The following ZNF266 variants were observed in gnomAD, a reference collection of about 807,000 sequenced individuals.
ZNF266 encodes zinc finger protein 266, also known as zinc finger protein 1.
Under a neutral mutation model 16.4 loss-of-function variants are expected in ZNF266, and 16 were observed. The ratio of observed to expected loss-of-function variants is 0.98; its 90% confidence interval spans 0.66 to 1.48. The LOEUF (loss-of-function observed/expected upper bound fraction) is 1.48. Among genes scored for constraint, ZNF266 ranks in the 40% most tolerant of loss-of-function variants. The pLI is 0.00. For missense variants in ZNF266, 738 were observed against 689.1 expected, an observed-to-expected ratio of 1.07 and a Z score of -0.79; for synonymous variants, 262 against 237.9, an observed-to-expected ratio of 1.10 and a Z score of -0.93.
rs1191515035 is a variant in ZNF266, at chr19:9,428,297, G to A, written c.-130+5371C>T. Among the ~76,000 whole-genome samples the A allele has an allele frequency of 2.6e-5, 4 of 152,300 alleles. No individual in the cohort carries two copies. In the South Asian group the frequency reaches 6.2e-4, roughly 24 times the overall value. ...GGCCACTGAGGCCTCCTTAGGCCAC[G>A]ATGAAGCCAATCTCAGGCCCTTGGG... On this transcript the variant is annotated intron_variant, in intron 5 of 10. Transcript: ENST00000592904.
intron 10 of ZNF266, among the ~76,000 whole-genome samples, chr19:9,415,409 C>G (rs2068833370): frequency 6.6e-6 from 1 of 152,164 alleles, no homozygotes; most frequent in African/African-American, 2.4e-5. Context: ...TCTCAAAGAG[C>G]TCTCATTCTG....
chr19:9,416,565 T>C (rs769192767), intron 9 of ZNF266, among the ~76,000 whole-genome samples: 9 of 150,552 alleles, frequency 6.0e-5, no homozygotes, highest in African/African-American at 2.2e-4. Flanking sequence ...GGTTTCAGCA[T>C]GTTGGCCATG....
chr19:9,422,984 G>A (rs575906100), intron 5 of ZNF266, among the ~76,000 whole-genome samples: 1 of 152,324 alleles, frequency 6.6e-6, no homozygotes, highest in South Asian at 2.1e-4. Context: ...TGTGTCCCAC[G>A]TGAATGCCTG....
intron 5 of ZNF266, among the ~76,000 whole-genome samples, chr19:9,431,120 G>A (rs1030727042): frequency 6.6e-6 from 1 of 152,174 alleles, no homozygotes; most frequent in Non-Finnish European, 1.5e-5. Flanking sequence ...CCTAATTAGA[G>A]GAACATACTA....
chr19:9,415,158 G>GGTGGCACGTGCCTGTACT (rs1469778293), intron 10 of ZNF266, among the ~76,000 whole-genome samples: 1 of 152,202 alleles, frequency 6.6e-6, no homozygotes, highest in African/African-American at 2.4e-5. Flanking sequence ...AGCCGGGCAT[G>GGTGGCACGTGCCTGTACT]GTGGCACGTG....
chr19:9,417,711 G>A (rs766620678), intron 9 of ZNF266, 117 bp downstream of exon 9: 237 of 781,390 alleles, frequency 3.0e-4, no homozygotes, highest in Non-Finnish European at 4.5e-4. Context: ...CTGTGCCACG[G>A]CACTCCAGCC....
intron 5 of ZNF266, among the ~76,000 whole-genome samples, chr19:9,425,215 T>C (rs1333838106): frequency 6.6e-6 from 1 of 152,136 alleles, no homozygotes; most frequent in Non-Finnish European, 1.5e-5. Flanking sequence ...AGGGATAACG[T>C]CCATGCACCT....
rs549826648 is a variant in ZNF266 at position 9,413,604 on chromosome 19, A to C, written c.1522T>G (p.Cys508Gly). Reference protein sequence around the residue: ...TGEKPFECLECGKAFTHSSSL... With the variant: ...TGEKPFECLEGGKAFTHSSSL... ...GAGGAATGCGTAAATGCTTTACCAC[A>C]TTCCAGGCACTCAAAGGGCTTCTCT... Residue 508 changes from cysteine to glycine, a missense_variant, in exon 11 of 11, where the codon TGT becomes GGT. Transcript: ENST00000592904. 2.5e-6 allele frequency: 4 copies of C among 1,614,214 alleles called. No individual in the cohort carries two copies. The highest frequency in any genetic ancestry group is 1.7e-5 in the Admixed American group (1 of 60,024).
At chr19:9,421,476 T>C (rs1051268973) in intron 5 of ZNF266, among the ~76,000 whole-genome samples, 5 of 152,196 alleles carry the variant, frequency 3.3e-5, no homozygotes, top group African/African-American at 7.2e-5. Flanking sequence ...TCGCATACAC[T>C]TGCATAATCA....
At chr19:9,431,112 T>C (rs999198991) in intron 5 of ZNF266, among the ~76,000 whole-genome samples, 1 of 152,198 alleles carries the variant, frequency 6.6e-6, no homozygotes, top group African/African-American at 2.4e-5. Context: ...CCTCAGGACC[T>C]AATTAGAGGA....
chr19:9,417,841 T>C lies in ZNF266; in HGVS notation c.303A>G (p.Arg101=), dbSNP rs199682116. 1.2e-6 allele frequency: 2 copies of C among 1,613,802 alleles called. No individual in the cohort carries two copies. The change falls in exon 9 of 11, where the codon AGA becomes AGG. Residue 101 remains arginine, a synonymous_variant. Transcript: ENST00000592904. The stretch of plus-strand genomic sequence containing the variant: ...GTGAACACTCACCTTGGAAATCACC[T>C]CTCTGCACTGTCCTAGACTCTTCTT... ...LEQEESRTVQ[R]GDFQASEWKV...
chr19:9,432,634 A>G (rs1193062191), intron 5 of ZNF266, among the ~76,000 whole-genome samples: 1 of 152,236 alleles, frequency 6.6e-6, no homozygotes, highest in Non-Finnish European at 1.5e-5. Context: ...TCACAAAAAC[A>G]TCACTAAACT....
chr19:9,423,637 T>G (rs1417569925), intron 5 of ZNF266, among the ~76,000 whole-genome samples: 1 of 152,154 alleles, frequency 6.6e-6, no homozygotes, highest in East Asian at 1.9e-4. Context: ...GGTCAAGGTG[T>G]ACGCTTTGAG....
intron 5 of ZNF266, among the ~76,000 whole-genome samples, chr19:9,432,483 T>A (rs1301519814): frequency 6.6e-6 from 1 of 152,010 alleles, no homozygotes; most frequent in Non-Finnish European, 1.5e-5. Context: ...ACAGAGAAAA[T>A]GTATAGAATT....
rs1367487220 is a variant in ZNF266 at position 9,413,927 on chromosome 19, A to C, written c.1199T>G (p.Phe400Cys). 1 of 1,614,122 alleles carries C rather than the reference A, an allele frequency of 6.2e-7. No individual in the cohort carries two copies. ...ATCACTGAGGCATGAGGAATTTCTA[A>C]AGGATTTTCCACATATCTTACATTC... ...PFECKICGKS[F>C]RNSSCLSDHF... The change falls in exon 11 of 11, where the codon TTT (phenylalanine) becomes TGT (cysteine). Residue 400 changes from phenylalanine to cysteine, a missense_variant. By Grantham distance (205) the Phe-to-Cys change is radical (BLOSUM62 -2). Transcript: ENST00000592904.
At chr19:9,424,092 G>C (rs1215412902) in intron 5 of ZNF266, among the ~76,000 whole-genome samples, 1 of 152,124 alleles carries the variant, frequency 6.6e-6, no homozygotes, top group Non-Finnish European at 1.5e-5. Flanking sequence ...AGCACTGCTG[G>C]TCTGGAGATC....
intron 5 of ZNF266, among the ~76,000 whole-genome samples, chr19:9,431,822 A>C (rs1318837866): frequency 6.6e-6 from 1 of 152,218 alleles, no homozygotes; most frequent in South Asian, 2.1e-4. Context: ...AGAGATCCCC[A>C]CCTGCTGGCA....
At position 9,414,431 on chromosome 19, in the gene ZNF266, A is replaced by C. The variant is rs760905975; in HGVS notation, c.695T>G (p.Phe232Cys). 2 of 1,614,188 alleles carry C rather than the reference A, an allele frequency of 1.2e-6. No homozygotes were observed. The highest frequency in any genetic ancestry group is 1.7e-5 in the Admixed American group (1 of 60,024). The change falls in exon 11 of 11, where the codon TTC becomes TGC. Residue 232 changes from phenylalanine (F) to cysteine (C), a missense_variant. Physicochemically the swap from Phe to Cys is radical, Grantham distance 205. Transcript: ENST00000592904. ...TCCCTGAAGGTGTGAATGATTAATG[A>C]AGGATTTCCCAGAGTCACTGCAATC... ...AFDCSDSGKS[F>C]INHSHLQGHL...
At chr19:9,429,428 T>A (rs1409068297) in intron 5 of ZNF266, among the ~76,000 whole-genome samples, 2 of 152,038 alleles carry the variant, frequency 1.3e-5, no homozygotes, top group Non-Finnish European at 2.9e-5. Flanking sequence ...CTGTTAACGG[T>A]TCGTCTTACT....
Sources: allele counts gnomAD v4.1 joint callset (sites outside exome capture counted in the v4.1 genomes callset), GRCh38; gene constraint gnomAD v4.1.1; transcripts MANE v1.5; gene names NCBI Gene and HGNC (gene_info 2026-07-23, HGNC 2026-07-21).